WIPF1: variants seen among roughly 807,000 people sequenced by gnomAD.
The protein encoded by WIPF1 is WAS/WASL interacting protein family member 1.
WIPF1 carries 13 observed loss-of-function variants against 35.4 expected under a neutral mutation model. That is an observed-to-expected ratio of 0.37 (90% CI 0.24 to 0.58). The LOEUF (loss-of-function observed/expected upper bound fraction) is 0.58, where lower values mean the gene tolerates loss of function less well. Ranked by LOEUF, WIPF1 falls within the 20% of genes least tolerant of loss-of-function variation. WIPF1 has a pLI of 0.74. For synonymous variants in WIPF1, 267 were observed against 266.3 expected (o/e 1.00, Z -0.02); for missense variants, 591 against 667.0 (o/e 0.89, Z 1.25).
rs147511624 is a variant in WIPF1, at chr2:174,567,778, C to T, written c.1342+83G>A. Reference sequence around the variant, plus strand: ...GATAATGATGGAACAAGAAATTAAACGCAAACAAGCAAACCACATATACAA... The same window carrying T: ...GATAATGATGGAACAAGAAATTAAATGCAAACAAGCAAACCACATATACAA... On this transcript the variant is annotated intron_variant, in intron 6 of 7. Coordinates refer to ENST00000679041, the MANE Select transcript of WIPF1 (RefSeq NM_001375834.1). 9.8e-4 allele frequency: 1,398 copies of T among 1,428,716 alleles called. 16 individuals are homozygous for T. In the Admixed American group the frequency reaches 0.019, roughly 20 times the overall value. 88.5% of individuals were successfully genotyped at this position (1,428,716 alleles called of 1,614,324 possible). A position where few individuals can be genotyped will look rare whatever the true frequency, so the allele number is the denominator to read the frequency against.
Position 174,572,385 on chromosome 2 carries a change from G to T in WIPF1, c.420C>A (p.Pro140=), listed in dbSNP as rs1042926138. ...PPGGRSTSAK[P]FSPPSGPGRF... ...TCCCTGGGCCACTTGGGGGTGAAAA[G>T]GGTTTCGCAGATGTGGATCTTCCTC... The change falls in exon 5 of 8, where the codon CCC becomes CCA. Residue 140 remains proline, a synonymous_variant. Coordinates refer to ENST00000679041, the MANE Select transcript of WIPF1 (RefSeq NM_001375834.1). 1 of 1,614,172 alleles carries T rather than the reference G, an allele frequency of 6.2e-7. No homozygotes were observed. The highest frequency in any genetic ancestry group is 2.2e-5 in the East Asian group (1 of 44,878).
chr2:174,584,301 T>C (rs1685330667), intron 2 of WIPF1, among the ~76,000 whole-genome samples: 1 of 152,142 alleles, frequency 6.6e-6, no homozygotes, highest in African/African-American at 2.4e-5. Context: ...TAAAAAGCAG[T>C]TGGAAGGCCA....
intron 1 of WIPF1, among the ~76,000 whole-genome samples, chr2:174,658,228 T>C (rs990781554): frequency 2.0e-5 from 3 of 152,110 alleles, no homozygotes; most frequent in Non-Finnish European, 2.9e-5. Context: ...TGAGAGATTA[T>C]CATGGTCAAC....
intron 1 of WIPF1, among the ~76,000 whole-genome samples, chr2:174,587,980 T>C (rs1376963896): frequency 1.3e-5 from 2 of 152,210 alleles, no homozygotes; most frequent in Non-Finnish European, 2.9e-5. Context: ...ATGACATCAA[T>C]TAGTCACCCA....
rs1684718515 is a variant in WIPF1, at chr2:174,568,034, C to T, written c.1169G>A (p.Ser390Asn). ...GGTAGCAGGCAGGGCCCGAGATGTG[C>T]TGCCGTTTCTGCTTACTGGAGGAGG... ...PPPPPVSRNGSTSRALPATPQ... is the reference protein window; with the variant it reads ...PPPPPVSRNGNTSRALPATPQ... Residue 390 changes from serine (S) to asparagine (N), a missense_variant, in exon 6 of 8, where the codon AGC becomes AAC. Transcript: ENST00000679041. 1 of 1,613,420 alleles carries T rather than the reference C, an allele frequency of 6.2e-7. No individual in the cohort carries two copies. The highest frequency in any genetic ancestry group is 1.7e-5 in the Admixed American group (1 of 60,006).
chr2:174,632,527 C>G (rs1016068307), intron 1 of WIPF1, among the ~76,000 whole-genome samples: 1 of 151,688 alleles, frequency 6.6e-6, no homozygotes. Context: ...CTGACCAACA[C>G]GGTGAAACCC....
At chr2:174,661,104 A>G (rs182638481) in intron 1 of WIPF1, among the ~76,000 whole-genome samples, 230 of 152,320 alleles carry the variant, frequency 1.5e-3, no homozygotes, top group African/African-American at 5.2e-3. Flanking sequence ...GGCATAGCTG[A>G]TCAGTTGGTG....
chr2:174,574,967 T>C (rs1349977496), intron 4 of WIPF1: 5 of 701,284 alleles, frequency 7.1e-6, no homozygotes, highest in Admixed American at 2.1e-5. Context: ...AAAAAAAAAA[T>C]GTACAGGTTA....
At chr2:174,564,672 T>C (rs1186480170) in intron 7 of WIPF1, among the ~76,000 whole-genome samples, 1 of 152,052 alleles carries the variant, frequency 6.6e-6, no homozygotes, top group African/African-American at 2.4e-5. Context: ...AAAATAGAAA[T>C]AATATTTAGA....
chr2:174,646,782 T>G (rs934545155), intron 1 of WIPF1, among the ~76,000 whole-genome samples: 9 of 151,838 alleles, frequency 5.9e-5, no homozygotes, highest in African/African-American at 2.2e-4. Flanking sequence ...CCCAGCTAAT[T>G]TTTTGTATTT....
intron 1 of WIPF1, chr2:174,629,684 G>C (rs1686955828): frequency 6.6e-6 from 1 of 152,322 alleles, no homozygotes. Flanking sequence ...CCACACTGCA[G>C]GGAGGAGGCG....
intron 1 of WIPF1, among the ~76,000 whole-genome samples, chr2:174,664,438 A>T (rs1687846309): frequency 6.6e-6 from 1 of 152,212 alleles, no homozygotes; most frequent in Non-Finnish European, 1.5e-5. Flanking sequence ...AGTGGTCTGC[A>T]AGCACCCTCA....
chr2:174,649,137 ACT>A (rs1687480890), intron 1 of WIPF1, among the ~76,000 whole-genome samples: 1 of 151,686 alleles, frequency 6.6e-6, no homozygotes, highest in Admixed American at 6.6e-5. Context: ...CTTCTTCAAG[ACT>A]CTCAGTGTTT....
At chr2:174,651,563 A>G (rs1687533348) in intron 1 of WIPF1, among the ~76,000 whole-genome samples, 1 of 152,170 alleles carries the variant, frequency 6.6e-6, no homozygotes, top group Non-Finnish European at 1.5e-5. Flanking sequence ...GAACTCCCCA[A>G]TGTTTATCTT....
intron 1 of WIPF1, among the ~76,000 whole-genome samples, chr2:174,640,105 C>T (rs114613123): frequency 0.011 from 1,737 of 151,924 alleles, 34 homozygotes; most frequent in African/African-American, 0.039. Flanking sequence ...ACAAAATCAA[C>T]GCATAAAAAT....
chr2:174,604,244 A>C (rs917182243), intron 1 of WIPF1, among the ~76,000 whole-genome samples: 1 of 152,238 alleles, frequency 6.6e-6, no homozygotes, highest in Non-Finnish European at 1.5e-5. Context: ...TGATGAGATC[A>C]ATAAAAAACT....
chr2:174,647,699 T>TA lies in WIPF1; in HGVS notation c.-39+35074dup, dbSNP rs1362128146. On this transcript the variant is annotated intron_variant, in intron 1 of 8. Transcript: ENST00000272746. ...CGGCATATGAATTACATCTCCATGA[T>TA]AAAAAAAAATGAGGAAAGCCTCATG... Among the ~76,000 whole-genome samples, 103 of 144,560 alleles carry TA rather than the reference T, an allele frequency of 7.1e-4. 1 individual carries two copies. Among genetic ancestry groups the TA allele is most frequent in the South Asian group, 1.1e-3 (5 of 4,612 alleles). 94.8% of individuals were successfully genotyped at this position (144,560 alleles called of 152,430 possible).
chr2:174,635,162 T>C (rs1353865830), intron 1 of WIPF1, among the ~76,000 whole-genome samples: 1 of 152,244 alleles, frequency 6.6e-6, no homozygotes, highest in African/African-American at 2.4e-5. Flanking sequence ...GTGGTCATGC[T>C]GTCAGACAGT....
At chr2:174,664,160 G>A (rs1403326995) in intron 1 of WIPF1, among the ~76,000 whole-genome samples, 1 of 152,252 alleles carries the variant, frequency 6.6e-6, no homozygotes, top group East Asian at 1.9e-4. Context: ...CACACCCCAA[G>A]TGCTTGAATG....
Sources: gnomAD v4.1 joint callset for allele counts (sites outside exome capture counted in the v4.1 genomes callset) on GRCh38, gnomAD v4.1.1 for gene constraint, MANE v1.5 for transcripts, NCBI Gene and HGNC (gene_info 2026-07-23, HGNC 2026-07-21) for gene names.